Variants in RRAGC observed in about 807,000 individuals in gnomAD.
RRAGC encodes the protein Ras related GTP binding C.
RRAGC carries 8 observed loss-of-function variants against 37.1 expected under a neutral mutation model. The ratio of observed to expected loss-of-function variants is 0.22; its 90% CI spans 0.13 to 0.39. The LOEUF is 0.39. Ranked by LOEUF, RRAGC falls within the 10% of genes least tolerant of loss-of-function variation. RRAGC has a pLI of 1.00. For missense variants in RRAGC, 342 were observed against 497.6 expected, an observed-to-expected ratio of 0.69 and a Z score of 2.98; for synonymous variants, 190 against 181.1, an observed-to-expected ratio of 1.05 and a Z score of -0.39.
Position 38,845,955 on chromosome 1 carries a change from T to C in RRAGC, c.1032A>G (p.Glu344=). Residue 344 remains glutamate, a synonymous_variant, in exon 6 of 7, where the codon GAA becomes GAG. Coordinates refer to ENST00000373001, the MANE Select transcript of RRAGC (RefSeq NM_022157.4). ...TGCTATTACCTTTTCTTTCAAAGCT[T>C]TCTTCCCTTAGAATGCAGACCAGTG... ...FLALVCILRE[E]SFERKGLIDY... is the part of the protein sequence containing the mutation. 6.2e-7 allele frequency: 1 copy of C among 1,608,408 alleles called. No individual in the cohort carries two copies. Among genetic ancestry groups the C allele is most frequent in the Non-Finnish European group, 8.5e-7 (1 of 1,178,408 alleles).
intron 2 of RRAGC, 107 bp downstream of exon 2, chr1:38,856,772 T>A (rs1642172167): frequency 9.5e-7 from 1 of 1,050,996 alleles, no homozygotes; most frequent in Admixed American, 1.9e-5. Context: ...GGGAATCTAC[T>A]GCCAAAGAGA....
At chr1:38,846,141 A>G in intron 5 of RRAGC, 54 bp from the exon 6 acceptor site, 5 of 1,385,494 alleles carry the variant, frequency 3.6e-6, no homozygotes, top group Non-Finnish European at 5.0e-6. Flanking sequence ...GGCATCTGCC[A>G]CATTTAATCT....
At chr1:38,857,187 T>C (rs971117541) in intron 1 of RRAGC, 105 bp from the exon 2 acceptor site, 1 of 868,382 alleles carries the variant, frequency 1.2e-6, no homozygotes, top group Non-Finnish European at 1.8e-6. Context: ...CAAAAAAAAA[T>C]TTTTTTTGAA....
chr1:38,842,473 C>T (rs1405265333), intron 6 of RRAGC, among the ~76,000 whole-genome samples: 1 of 152,162 alleles, frequency 6.6e-6, no homozygotes, highest in Non-Finnish European at 1.5e-5. Flanking sequence ...ATAAGATACC[C>T]TTTCACACCT....
At chr1:38,857,951 T>A (rs1642187073) in intron 1 of RRAGC, among the ~76,000 whole-genome samples, 1 of 151,216 alleles carries the variant, frequency 6.6e-6, no homozygotes, top group Admixed American at 6.6e-5. Flanking sequence ...TGAGCAAGAC[T>A]CCATAACAAA....
At chr1:38,842,910 A>T (rs1217818465) in intron 6 of RRAGC, among the ~76,000 whole-genome samples, 2 of 152,232 alleles carry the variant, frequency 1.3e-5, no homozygotes, top group East Asian at 1.9e-4. Context: ...GTTGCAGAAG[A>T]CTACTTATAT....
At position 38,859,641 on chromosome 1, in the gene RRAGC, G is replaced by C; in HGVS notation, c.6C>G (p.Ser2=). 6.4e-7 allele frequency: 1 copy of C among 1,555,088 alleles called. No homozygotes were observed. Among genetic ancestry groups the C allele is most frequent in the African/African-American group, 1.4e-5 (1 of 72,870 alleles). The change falls in exon 1 of 7, where the codon TCC becomes TCG. Residue 2 remains serine, a synonymous_variant. Transcript: ENST00000373001. The part of the protein sequence containing the change: M[S]LQYGAEETPL... ...GCGTCTCCTCCGCCCCGTACTGCAG[G>C]GACATGGTGCTGGAGCCGCCGCCGC... is the stretch of plus-strand genomic sequence containing the variant.
chr1:38,841,776 G>C (rs1641966321), intron 6 of RRAGC, among the ~76,000 whole-genome samples: 1 of 150,808 alleles, frequency 6.6e-6, no homozygotes, highest in Admixed American at 6.6e-5. Context: ...TTGAGCTCAG[G>C]AGTTCAAGAC....
rs770232749 is a variant in RRAGC, at chr1:38,839,572, G to A, written c.1181C>T (p.Thr394Met). The change falls in exon 7 of 7, where the codon ACG becomes ATG. Residue 394 changes from threonine to methionine, a missense_variant. This residue lies in a region of RRAGC where 104 missense variants were observed against 127.0 expected (regional missense o/e 0.82). Transcript: ENST00000373001. Reference sequence around the variant, plus strand: ...TTCAGACTAGATGGCGTTTCGTGGCGTGCCATTGTGTGTCAGCGCTTTCAG... The same window carrying A: ...TTCAGACTAGATGGCGTTTCGTGGCATGCCATTGTGTGTCAGCGCTTTCAG... ...SSLKALTHNG[T>M]PRNAI The A allele has an allele frequency of 8.1e-5, 131 of 1,614,058 alleles. 7 individuals are homozygous for A. In the South Asian group the frequency reaches 1.1e-3, roughly 14 times the overall value.
chr1:38,854,920 C>A (rs548669415), intron 3 of RRAGC, among the ~76,000 whole-genome samples: 1 of 152,168 alleles, frequency 6.6e-6, no homozygotes, highest in East Asian at 1.9e-4. Context: ...AGAATATTTT[C>A]TTGGGTACTT....
intron 1 of RRAGC, among the ~76,000 whole-genome samples, chr1:38,858,369 G>A (rs1642192954): frequency 6.6e-6 from 1 of 152,178 alleles, no homozygotes; most frequent in Non-Finnish European, 1.5e-5. Flanking sequence ...GGGTTTGGCT[G>A]ATGGAGGAAG....
intron 6 of RRAGC, among the ~76,000 whole-genome samples, chr1:38,841,798 A>G (rs1641966548): frequency 6.6e-6 from 1 of 152,128 alleles, no homozygotes; most frequent in Non-Finnish European, 1.5e-5. Context: ...ACCCTGAGCA[A>G]CACAGCAAGA....
At chr1:38,840,639 A>G (rs1641952065) in intron 6 of RRAGC, among the ~76,000 whole-genome samples, 1 of 152,194 alleles carries the variant, frequency 6.6e-6, no homozygotes, top group Non-Finnish European at 1.5e-5. Flanking sequence ...GACACGATTT[A>G]ATTAGGCAGA....
chr1:38,845,267 C>T (rs370571147), intron 6 of RRAGC, among the ~76,000 whole-genome samples: 1 of 152,284 alleles, frequency 6.6e-6, no homozygotes, highest in East Asian at 1.9e-4. Flanking sequence ...AAATGTGGCA[C>T]ATATACATCA....
chr1:38,852,452 A>G lies in RRAGC; in HGVS notation c.678T>C (p.Phe226=), dbSNP rs1215666821. 8 of 1,607,808 alleles carry G rather than the reference A, an allele frequency of 5.0e-6. No individual in the cohort carries two copies. In the Admixed American group the frequency reaches 6.7e-5, roughly 13 times the overall value. ...YLTSIYDHSI[F]EAFSKVVQKL... The stretch of plus-strand genomic sequence containing the variant: ...TCTGCACCACCTTACTAAAGGCTTC[A>G]AATATTGAATGGTCATAGATACTAG... Residue 226 remains phenylalanine (F), a synonymous_variant, in exon 4 of 7, where the codon TTT becomes TTC. Transcript: ENST00000373001.
Position 38,845,951 on chromosome 1 carries a change from A to C in RRAGC, c.1036T>G (p.Phe346Val). The change falls in exon 6 of 7, where the codon TTT (phenylalanine) becomes GTT (valine). Residue 346 changes from phenylalanine (F) to valine (V), a missense_variant. Physicochemically the swap from Phe to Val is conservative, Grantham distance 50. Around this residue, in one of 3 missense-constraint regions of RRAGC, gnomAD observed 104 missense variants for 127.0 expected, o/e 0.82. Coordinates refer to ENST00000373001, the MANE Select transcript of RRAGC (RefSeq NM_022157.4). The part of the protein sequence containing the change: ...ALVCILREES[F>V]ERKGLIDYNF... ...AAAATGCTATTACCTTTTCTTTCAAAGCTTTCTTCCCTTAGAATGCAGACC... is the reference window on the plus strand; with the variant it reads ...AAAATGCTATTACCTTTTCTTTCAACGCTTTCTTCCCTTAGAATGCAGACC... 1.9e-6 allele frequency: 3 copies of C among 1,604,786 alleles called. No individual in the cohort carries two copies. Among genetic ancestry groups the C allele is most frequent in the Non-Finnish European group, 2.5e-6 (3 of 1,177,560 alleles).
intron 1 of RRAGC, among the ~76,000 whole-genome samples, chr1:38,858,909 C>G (rs968566566): frequency 5.3e-5 from 8 of 152,248 alleles, no homozygotes; most frequent in Non-Finnish European, 1.0e-4. Flanking sequence ...CCCAGTAATG[C>G]TACAGCGAAG....
chr1:38,859,512 C>A lies in RRAGC; in HGVS notation c.135G>T (p.Gly45=), dbSNP rs760521838. Residue 45 remains glycine (G), a synonymous_variant, in exon 1 of 7, where the codon GGG becomes GGT. Coordinates refer to ENST00000373001, the MANE Select transcript of RRAGC (RefSeq NM_022157.4). ...EEAAAAGGGV[G]AGAGGGCGPG... is the part of the protein sequence containing the mutation. ...GACCACAGCCACCGCCTGCCCCTGC[C>A]CCAACCCCTCCGCCCGCCGCCGCCG... The A allele has an allele frequency of 1.0e-5, 16 of 1,547,582 alleles. No homozygotes were observed. The highest frequency in any genetic ancestry group is 2.4e-5 in the East Asian group (1 of 40,904).
At position 38,857,030 on chromosome 1, in the gene RRAGC, T is replaced by C; in HGVS notation, c.290A>G (p.Asn97Ser). Residue 97 changes from asparagine to serine, a missense_variant, in exon 2 of 7, where the codon AAC (asparagine) becomes AGC (serine). Coordinates refer to ENST00000373001, the MANE Select transcript of RRAGC (RefSeq NM_022157.4). ...GGAAATGTCATCCTTATAAATCTTG[T>C]TGGTACTTTCCAAAAAGAGGGTCTC... ...PNETLFLEST[N>S]KIYKDDISNS... 6.2e-7 allele frequency: 1 copy of C among 1,614,106 alleles called. No homozygotes were observed. The highest frequency in any genetic ancestry group is 8.5e-7 in the Non-Finnish European group (1 of 1,179,972).
Sources: gnomAD v4.1 joint callset for allele counts (sites outside exome capture counted in the v4.1 genomes callset) on GRCh38, gnomAD v4.1.1 for gene constraint, gnomAD v4.1.1 regional missense constraint, MANE v1.5 for transcripts, NCBI Gene and HGNC (gene_info 2026-07-23, HGNC 2026-07-21) for gene names.